Variants in GPC6 observed in about 807,000 individuals in gnomAD.
GPC6 encodes the protein glypican 6, also known as glypican-6.
A neutral mutation model predicts 55.2 loss-of-function variants in GPC6; 14 were observed. That is an observed-to-expected ratio of 0.25 (90% CI 0.17 to 0.40). The LOEUF (loss-of-function observed/expected upper bound fraction) is 0.40, where lower values mean the gene tolerates loss of function less well. GPC6 is among the 10% of genes least tolerant of loss of function. The pLI is 1.00. For synonymous variants in GPC6, 278 were observed against 259.6 expected (o/e 1.07, Z -0.68); for missense variants, 641 against 708.5 (o/e 0.90, Z 1.08).
At chr13:93,960,916 C>T (rs1879743408) in intron 3 of GPC6, among the ~76,000 whole-genome samples, 1 of 151,274 alleles carries the variant, frequency 6.6e-6, no homozygotes, top group South Asian at 2.1e-4. Context: ...AGGTTCATGC[C>T]ATTCTCCTGC....
At chr13:93,683,013 G>T (rs901639638) in intron 2 of GPC6, among the ~76,000 whole-genome samples, 2 of 151,864 alleles carry the variant, frequency 1.3e-5, no homozygotes, top group African/African-American at 4.8e-5. Context: ...GCAAGACCCT[G>T]TCTGAAAAGA....
chr13:94,019,185 G>A (rs909118539), intron 3 of GPC6, among the ~76,000 whole-genome samples: 1 of 152,178 alleles, frequency 6.6e-6, no homozygotes, highest in Admixed American at 6.5e-5. Context: ...TAAGCCATCT[G>A]GTCCAGAGTT....
At chr13:93,412,034 TA>T (rs1163963109) in intron 1 of GPC6, among the ~76,000 whole-genome samples, 1 of 151,344 alleles carries the variant, frequency 6.6e-6, no homozygotes, top group Non-Finnish European at 1.5e-5. Flanking sequence ...TAAAAATAAA[TA>T]GCCATTATAT....
intron 3 of GPC6, chr13:93,836,081 T>G (rs555710122): frequency 6.6e-6 from 1 of 152,192 alleles, no homozygotes; most frequent in Non-Finnish European, 1.5e-5. Flanking sequence ...TAGACTGATG[T>G]TTTTGCTCGA....
intron 4 of GPC6, among the ~76,000 whole-genome samples, chr13:94,110,220 A>G (rs146846201): frequency 2.6e-5 from 4 of 152,060 alleles, no homozygotes; most frequent in Non-Finnish European, 4.4e-5. Context: ...TGGGGTGACA[A>G]ATATCTGAGT....
chr13:93,423,701 A>G (rs76739314), intron 1 of GPC6, among the ~76,000 whole-genome samples: 10,278 of 152,162 alleles, frequency 0.068, 507 homozygotes, highest in Non-Finnish European at 0.11. Context: ...CTCCGCCACC[A>G]ACAGACTTCT....
At chr13:94,359,967 C>G (rs756259754) in intron 6 of GPC6, among the ~76,000 whole-genome samples, 1 of 152,174 alleles carries the variant, frequency 6.6e-6, no homozygotes, top group Non-Finnish European at 1.5e-5. Context: ...TACTACTTTT[C>G]ATTTCATAAG....
intron 3 of GPC6, among the ~76,000 whole-genome samples, chr13:93,849,425 G>A (rs1888318433): frequency 6.6e-6 from 1 of 151,876 alleles, no homozygotes; most frequent in Non-Finnish European, 1.5e-5. Flanking sequence ...AGGTTTTTTG[G>A]AATATCCAGC....
At chr13:93,254,823 C>G (rs1196584849) in intron 1 of GPC6, among the ~76,000 whole-genome samples, 2 of 152,034 alleles carry the variant, frequency 1.3e-5, no homozygotes, top group Non-Finnish European at 2.9e-5. Flanking sequence ...TTAAAAGTAG[C>G]AGCTGTAAAA....
intron 2 of GPC6, among the ~76,000 whole-genome samples, chr13:93,773,404 A>G (rs779760781): frequency 3.3e-5 from 5 of 152,122 alleles, no homozygotes; most frequent in Non-Finnish European, 5.9e-5. Context: ...GGGCTCTGGA[A>G]ATTGATGATG....
intron 6 of GPC6, among the ~76,000 whole-genome samples, chr13:94,339,667 C>T (rs937969801): frequency 8.0e-5 from 12 of 150,452 alleles, no homozygotes; most frequent in Non-Finnish European, 1.2e-4. Flanking sequence ...GAGATGTAGT[C>T]CTTTGGCTCT....
At chr13:93,989,688 G>C (rs1190812071) in intron 3 of GPC6, among the ~76,000 whole-genome samples, 1 of 152,086 alleles carries the variant, frequency 6.6e-6, no homozygotes, top group African/African-American at 2.4e-5. Flanking sequence ...ATTTCAGACA[G>C]AGCAACCTAT....
At chr13:94,363,960 A>G (rs1021603720) in intron 6 of GPC6, among the ~76,000 whole-genome samples, 2 of 152,262 alleles carry the variant, frequency 1.3e-5, no homozygotes, top group Admixed American at 6.5e-5. Flanking sequence ...CGTGTTCACT[A>G]TGTATTGAAA....
At chr13:93,511,370 A>T (rs1487057977) in intron 1 of GPC6, among the ~76,000 whole-genome samples, 2 of 151,788 alleles carry the variant, frequency 1.3e-5, no homozygotes, top group Non-Finnish European at 2.9e-5. Flanking sequence ...TACAGTGAGA[A>T]ATAGAGGTCT....
At chr13:93,731,763 C>A (rs1287879771) in intron 2 of GPC6, among the ~76,000 whole-genome samples, 1 of 151,880 alleles carries the variant, frequency 6.6e-6, no homozygotes, top group African/African-American at 2.4e-5. Flanking sequence ...ATAAAGGAAG[C>A]CTAGTTATAA....
chr13:93,688,466 C>T (rs913738030), intron 2 of GPC6, among the ~76,000 whole-genome samples: 3 of 152,046 alleles, frequency 2.0e-5, no homozygotes, highest in African/African-American at 7.2e-5. Context: ...GATATGTGTG[C>T]ACCTATGTTC....
intron 1 of GPC6, among the ~76,000 whole-genome samples, chr13:93,318,723 A>C (rs1194544816): frequency 6.6e-6 from 1 of 152,068 alleles, no homozygotes; most frequent in Non-Finnish European, 1.5e-5. Context: ...ATGATTCAGA[A>C]CCTGGGAGAG....
In GPC6 at chr13:94,320,516, T is replaced by C. The variant is rs540458677; in HGVS notation, c.1152+14393T>C. ...AGTCTGGGTGGCCTGTGTTGAAAGG[T>C]ATTTCTATTTCATCTTATCCTAAGG... On this transcript the variant is annotated intron_variant, in intron 6 of 8. Transcript: ENST00000377047. Among the ~76,000 whole-genome samples the C allele has an allele frequency of 2.0e-5, 3 of 152,230 alleles. No homozygotes were observed. In the South Asian group the frequency reaches 6.2e-4, roughly 32 times the overall value.
chr13:93,418,479 CAGTATGCTGTAGTGTTAT>C (rs1192666595), intron 1 of GPC6, among the ~76,000 whole-genome samples: 3 of 150,974 alleles, frequency 2.0e-5, no homozygotes, highest in African/African-American at 7.3e-5. Flanking sequence ...TTATTAATAG[CAGTATGCTGTAGTGTTAT>C]TTTATTAATA....
Sources: gnomAD v4.1 joint callset for allele counts (sites outside exome capture counted in the v4.1 genomes callset) on GRCh38, gnomAD v4.1.1 for gene constraint, MANE v1.5 for transcripts, NCBI Gene and HGNC (gene_info 2026-07-23, HGNC 2026-07-21) for gene names.